NGLY1: variants seen among roughly 807,000 people sequenced by gnomAD.
The protein encoded by NGLY1 is peptide-N(4)-(N-acetyl-beta-glucosaminyl)asparagine amidase.
In NGLY1, 68 loss-of-function variants were observed where a neutral mutation model predicts 84.6. The ratio of observed to expected loss-of-function variants is 0.80; its 90% CI spans 0.66 to 0.98. NGLY1 has a LOEUF of 0.98. NGLY1 is among the 50% of genes least tolerant of loss of function. NGLY1 has a pLI of 0.00. For missense variants in NGLY1, 779 were observed against 770.2 expected (o/e 1.01, Z -0.14); for synonymous variants, 280 against 275.2 (o/e 1.02, Z -0.17).
At chr3:25,752,649 A>G (rs900815480) in intron 3 of NGLY1, among the ~76,000 whole-genome samples, 8 of 151,848 alleles carry the variant, frequency 5.3e-5, no homozygotes, top group Admixed American at 1.3e-4. Context: ...CTCTTAAAAA[A>G]AAAAAAAAAA....
intron 3 of NGLY1, among the ~76,000 whole-genome samples, chr3:25,763,709 A>C (rs1707422509): frequency 6.6e-6 from 1 of 152,162 alleles, no homozygotes. Context: ...GGTGTATATT[A>C]ATAATAAAAT....
At chr3:25,777,408 A>AAG (rs1708207650) in intron 2 of NGLY1, among the ~76,000 whole-genome samples, 1 of 151,382 alleles carries the variant, frequency 6.6e-6, no homozygotes, top group African/African-American at 2.4e-5. Flanking sequence ...AAAAAAAAAA[A>AAG]AAAAAAAAAA....
chr3:25,726,535 A>C (rs1705272580), intron 10 of NGLY1, among the ~76,000 whole-genome samples: 1 of 152,190 alleles, frequency 6.6e-6, no homozygotes, highest in South Asian at 2.1e-4. Flanking sequence ...AGAATAAATT[A>C]ATCAAAAAAG....
chr3:25,778,044 C>T (rs1292779649), intron 2 of NGLY1, among the ~76,000 whole-genome samples: 2 of 152,170 alleles, frequency 1.3e-5, no homozygotes, highest in East Asian at 3.8e-4. Flanking sequence ...TTAATAACTA[C>T]TTTCGATGTG....
At chr3:25,753,729 T>G (rs564394668) in intron 3 of NGLY1, among the ~76,000 whole-genome samples, 31 of 151,752 alleles carry the variant, frequency 2.0e-4, no homozygotes, top group African/African-American at 7.3e-4. Flanking sequence ...GAAAAAAAAC[T>G]TCATCTAAAC....
At chr3:25,750,811 T>A (rs1371087515) in intron 4 of NGLY1, among the ~76,000 whole-genome samples, 1 of 152,194 alleles carries the variant, frequency 6.6e-6, no homozygotes, top group Non-Finnish European at 1.5e-5. Flanking sequence ...ACTACAACTG[T>A]CCCTCAGTAT....
chr3:25,743,612 T>G (rs1706264416), intron 4 of NGLY1, among the ~76,000 whole-genome samples: 1 of 152,110 alleles, frequency 6.6e-6, no homozygotes, highest in African/African-American at 2.4e-5. Context: ...AGGTACTTAG[T>G]TTTGTTCACT....
chr3:25,752,907 A>G (rs1482380672), intron 3 of NGLY1, among the ~76,000 whole-genome samples: 1 of 152,066 alleles, frequency 6.6e-6, no homozygotes, highest in Non-Finnish European at 1.5e-5. Context: ...TGATCAGTCA[A>G]TTAATAACCA....
chr3:25,778,535 T>C lies in NGLY1; in HGVS notation c.246+39A>G, dbSNP rs781377866. The C allele has an allele frequency of 4.3e-6, 5 of 1,150,692 alleles. No individual in the cohort carries two copies. In the Admixed American group the frequency reaches 8.2e-5, roughly 19 times the overall value. The allele number at this position is 1,150,692 out of a possible 1,614,324, so 71.3% of individuals were successfully genotyped here. A position where few individuals can be genotyped will look rare whatever the true frequency, so the allele number is the denominator to read the frequency against. On this transcript the variant is annotated intron_variant, in intron 2 of 11. Transcript: ENST00000280700. ...CACCAACATGATAATGGCTGCTTTG[T>C]GCATGAAGAGGGGAGAGGAAATCCT...
chr3:25,753,838 T>C (rs2125520929), intron 3 of NGLY1, among the ~76,000 whole-genome samples: 1 of 152,280 alleles, frequency 6.6e-6, no homozygotes, highest in East Asian at 1.9e-4. Flanking sequence ...TAAATGTGAA[T>C]GGGTTAAATG....
rs773050159 is a variant in NGLY1 at position 25,732,299 on chromosome 3, T to C, written c.1425+20A>G. 8.7e-6 allele frequency: 14 copies of C among 1,610,722 alleles called. No individual in the cohort carries two copies. In the Admixed American group the frequency reaches 1.8e-4, roughly 21 times the overall value. The stretch of plus-strand genomic sequence containing the variant: ...AAGCAGGAAAGTAAAAGGATCATCA[T>C]GCTAGAATGAATTAAATACCTGTAG... On this transcript the variant is annotated intron_variant, in intron 9 of 11. Transcript: ENST00000280700.
At chr3:25,756,959 C>T (rs1439765771) in intron 3 of NGLY1, among the ~76,000 whole-genome samples, 2 of 152,106 alleles carry the variant, frequency 1.3e-5, no homozygotes, top group Admixed American at 1.3e-4. Context: ...GGAAAGCTTT[C>T]GAGAATATAA....
upstream of NGLY1, chr3:25,784,257 A>G (rs1434942701): frequency 2.0e-5 from 3 of 152,228 alleles, no homozygotes; most frequent in Non-Finnish European, 4.4e-5. Flanking sequence ...GTGTATTTTT[A>G]AACCATAGGT....
chr3:25,737,519 C>T, intron 5 of NGLY1, 64 bp from the exon 6 acceptor site: 2 of 1,374,908 alleles, frequency 1.5e-6, no homozygotes, highest in African/African-American at 1.5e-5. Context: ...ATTTACATTA[C>T]CTCTATGCTA....
intron 2 of NGLY1, among the ~76,000 whole-genome samples, chr3:25,770,889 T>A (rs1707861021): frequency 6.6e-6 from 1 of 152,302 alleles, no homozygotes; most frequent in African/African-American, 2.4e-5. Context: ...AGCCAACTTT[T>A]TGATGGGATT....
intron 10 of NGLY1, among the ~76,000 whole-genome samples, chr3:25,723,793 T>C (rs1317144713): frequency 1.3e-5 from 2 of 152,196 alleles, no homozygotes; most frequent in Admixed American, 6.5e-5. Flanking sequence ...TAAGCTCGGT[T>C]TTGTAATGTG....
intron 1 of NGLY1, among the ~76,000 whole-genome samples, chr3:25,779,805 G>C (rs768748672): frequency 6.6e-6 from 1 of 152,176 alleles, no homozygotes; most frequent in Non-Finnish European, 1.5e-5. Context: ...CTAAATGAAT[G>C]TTTTTAAACT....
At chr3:25,727,420 C>T (rs79569505) in intron 10 of NGLY1, among the ~76,000 whole-genome samples, 4,337 of 152,244 alleles carry the variant, frequency 0.028, 134 homozygotes, top group South Asian at 0.14. Flanking sequence ...TTGAAATACG[C>T]CACGTACTCC....
intron 2 of NGLY1, among the ~76,000 whole-genome samples, chr3:25,773,655 T>C (rs556910596): frequency 1.3e-5 from 2 of 152,348 alleles, no homozygotes; most frequent in African/African-American, 4.8e-5. Flanking sequence ...ATTGCTACTA[T>C]GCTAGTGTGA....
Sources: gnomAD v4.1 joint callset for allele counts (sites outside exome capture counted in the v4.1 genomes callset) on GRCh38, gnomAD v4.1.1 for gene constraint, MANE v1.5 for transcripts, NCBI Gene and HGNC (gene_info 2026-07-23, HGNC 2026-07-21) for gene names.